The following PDE8B variants were observed in gnomAD, a reference collection of about 807,000 sequenced individuals.
PDE8B encodes phosphodiesterase 8B.
PDE8B carries 26 observed loss-of-function variants against 101.3 expected under a neutral mutation model. The ratio of observed to expected loss-of-function variants is 0.26; its 90% CI spans 0.19 to 0.36. The LOEUF (loss-of-function observed/expected upper bound fraction) is 0.36, where lower values mean the gene tolerates loss of function less well. Among genes scored for constraint, PDE8B ranks in the 10% least tolerant of loss-of-function variants. The probability of loss-of-function intolerance (pLI) is 1.00; values close to 1 mark genes in which losing one functional copy is unlikely to be tolerated. For missense variants in PDE8B, 810 were observed against 1,163.1 expected (o/e 0.70, Z 4.42); for synonymous variants, 424 against 429.3 (o/e 0.99, Z 0.15).
upstream of PDE8B, among the ~76,000 whole-genome samples, chr5:77,206,586 C>A (rs1245614331): frequency 6.6e-6 from 1 of 152,132 alleles, no homozygotes; most frequent in Non-Finnish European, 1.5e-5. Flanking sequence ...CCTGGAGAGA[C>A]AATGAGGAGG....
chr5:77,128,107 C>T, the PDE8B span, among the ~76,000 whole-genome samples: 1 of 152,178 alleles, frequency 6.6e-6, no homozygotes, highest in African/African-American at 2.4e-5. Context: ...AGTGAATTCC[C>T]CATTCCTTTA....
Position 77,344,888 on chromosome 5 carries a change from G to A in PDE8B, c.833G>A (p.Cys278Tyr). 1.2e-6 allele frequency: 2 copies of A among 1,612,140 alleles called. No individual in the cohort carries two copies. Among genetic ancestry groups the A allele is most frequent in the Non-Finnish European group, 1.7e-6 (2 of 1,178,144 alleles). The change falls in exon 7 of 22, where the codon TGT (cysteine) becomes TAT (tyrosine). Residue 278 changes from cysteine (C) to tyrosine (Y), a missense_variant. Around this residue, in one of 4 missense-constraint regions of PDE8B, gnomAD observed 251 missense variants for 378.8 expected, o/e 0.66. Coordinates refer to ENST00000264917, the MANE Select transcript of PDE8B (RefSeq NM_003719.5). ...TCAGTGTTTACAGCATTAGATCACT[G>A]TCATGAAGCCATAGAAATAACAAGC... ...CNSVFTALDH[C>Y]HEAIEITSDD... is the part of the protein sequence containing the mutation.
At chr5:77,222,256 A>G (rs572185424) in intron 1 of PDE8B, among the ~76,000 whole-genome samples, 34 of 152,200 alleles carry the variant, frequency 2.2e-4, no homozygotes, top group Non-Finnish European at 2.1e-4. Context: ...TAAACCCGCT[A>G]GGTTCTCAAG....
chr5:77,417,687 C>A (rs2151152184), intron 17 of PDE8B, among the ~76,000 whole-genome samples: 1 of 152,316 alleles, frequency 6.6e-6, no homozygotes, highest in South Asian at 2.1e-4. Context: ...TTCTTATTTG[C>A]AAGAACCCCT....
chr5:77,318,917 G>A (rs993418052), intron 2 of PDE8B, among the ~76,000 whole-genome samples: 3 of 152,138 alleles, frequency 2.0e-5, no homozygotes, highest in African/African-American at 7.2e-5. Flanking sequence ...TAGAAATAAC[G>A]CTAGTAATAA....
rs1164085275 is a variant in PDE8B, at chr5:77,427,324, CAG to C, written c.*773_*774del. ...ATGAGCTTCCTTTATTTCTGGCTCA[CAG>C]AGGCAGCCACGAGGCACTACACCAA... On this transcript the variant is annotated 3_prime_UTR_variant, in exon 22 of 22. Coordinates refer to ENST00000264917, the MANE Select transcript of PDE8B (RefSeq NM_003719.5). 1 of 151,362 alleles carries C rather than the reference CAG, an allele frequency of 6.6e-6. No homozygotes were observed. Among genetic ancestry groups the C allele is most frequent in the African/African-American group, 2.4e-5 (1 of 40,960 alleles). 9.4% of individuals were successfully genotyped at this position (151,362 alleles called of 1,614,324 possible).
the PDE8B span, among the ~76,000 whole-genome samples, chr5:77,117,804 T>A: frequency 6.6e-6 from 1 of 152,220 alleles, no homozygotes; most frequent in Admixed American, 6.5e-5. Context: ...GATTGAAATA[T>A]GCATCCATTC....
chr5:77,319,043 C>G (rs1334738155), intron 2 of PDE8B, among the ~76,000 whole-genome samples: 3 of 152,164 alleles, frequency 2.0e-5, no homozygotes, highest in Non-Finnish European at 4.4e-5. Flanking sequence ...CTGTCAAAGA[C>G]AGATTATTGC....
intron 10 of PDE8B, among the ~76,000 whole-genome samples, chr5:77,370,251 C>G (rs1054395596): frequency 6.6e-6 from 1 of 152,062 alleles, no homozygotes; most frequent in African/African-American, 2.4e-5. Context: ...TAACCTAAAC[C>G]CTAAGAAGAC....
chr5:77,108,552 G>A, the PDE8B span, among the ~76,000 whole-genome samples: 535 of 152,182 alleles, frequency 3.5e-3, 3 homozygotes, highest in African/African-American at 0.012. Flanking sequence ...GCATGGTGGC[G>A]CACGCCTCTA....
chr5:77,333,654 A>G (rs911857219), intron 5 of PDE8B, among the ~76,000 whole-genome samples: 3 of 152,334 alleles, frequency 2.0e-5, no homozygotes, highest in East Asian at 1.9e-4. Context: ...CTGCCATCTG[A>G]AGCGATAGCA....
At chr5:77,250,478 G>A (rs928160795) in intron 1 of PDE8B, among the ~76,000 whole-genome samples, 6 of 152,136 alleles carry the variant, frequency 3.9e-5, no homozygotes, top group African/African-American at 7.2e-5. Flanking sequence ...CACACTTCAA[G>A]GTAAAAATGC....
In PDE8B at chr5:77,291,999, A is replaced by T. The variant is rs1767465709; in HGVS notation, c.340-19995A>T. On this transcript the variant is annotated intron_variant, in intron 1 of 21. Coordinates refer to ENST00000264917, the MANE Select transcript of PDE8B (RefSeq NM_003719.5). ...ATCAAAATAAAATTGTTACAACATT[A>T]AAAAAAAAAAAAACCATTTACCACT... Among the ~76,000 whole-genome samples the T allele has an allele frequency of 3.5e-5, 5 of 140,862 alleles. No individual in the cohort carries two copies. The South Asian group carries it at 1.1e-3, about 32-fold the overall frequency. 92.4% of individuals were successfully genotyped at this position (140,862 alleles called of 152,430 possible).
intron 10 of PDE8B, among the ~76,000 whole-genome samples, chr5:77,373,027 C>CAAA (rs35287095): frequency 6.9e-6 from 1 of 144,028 alleles, no homozygotes; most frequent in Non-Finnish European, 1.5e-5. Flanking sequence ...GACTTCATCT[C>CAAA]AAAAAAAAAA....
At chr5:77,286,908 A>G (rs143645182) in intron 1 of PDE8B, among the ~76,000 whole-genome samples, 1 of 152,214 alleles carries the variant, frequency 6.6e-6, no homozygotes, top group Non-Finnish European at 1.5e-5. Context: ...CAATGTTAAT[A>G]TCTCTACCCT....
At chr5:77,309,941 A>ACCTATTT (rs772985826) in intron 1 of PDE8B, among the ~76,000 whole-genome samples, 1 of 83,116 alleles carries the variant, frequency 1.2e-5, no homozygotes. Flanking sequence ...TTAATCATTA[A>ACCTATTT]TCTTTTTTTT....
At chr5:77,285,928 T>C (rs1765921225) in intron 1 of PDE8B, among the ~76,000 whole-genome samples, 2 of 152,204 alleles carry the variant, frequency 1.3e-5, no homozygotes, top group South Asian at 4.1e-4. Context: ...TCTAAAATTC[T>C]CATTTGTTCT....
intron 6 of PDE8B, among the ~76,000 whole-genome samples, chr5:77,342,657 A>AT (rs1416032387): frequency 6.6e-6 from 1 of 152,146 alleles, no homozygotes; most frequent in African/African-American, 2.4e-5. Flanking sequence ...GCTGTGTTGG[A>AT]CAGTAAATAG....
intron 10 of PDE8B, among the ~76,000 whole-genome samples, chr5:77,377,705 C>T (rs1231305374): frequency 6.6e-6 from 1 of 152,166 alleles, no homozygotes; most frequent in Non-Finnish European, 1.5e-5. Flanking sequence ...AATCAGAGGA[C>T]AGGAAGATCT....
Sources: allele counts gnomAD v4.1 joint callset (sites outside exome capture counted in the v4.1 genomes callset), GRCh38; gene constraint gnomAD v4.1.1; regional missense constraint gnomAD v4.1.1; transcripts MANE v1.5; gene names NCBI Gene and HGNC (gene_info 2026-07-23, HGNC 2026-07-21).